SLFN12L: variants seen among roughly 807,000 people sequenced by gnomAD.
The protein encoded by SLFN12L is schlafen family member 12 like.
SLFN12L carries 34 observed loss-of-function variants against 34.8 expected under a neutral mutation model. The ratio of observed to expected loss-of-function variants is 0.98; its 90% CI spans 0.74 to 1.30. The LOEUF (loss-of-function observed/expected upper bound fraction) is 1.30, where lower values mean the gene tolerates loss of function less well. Ranked by LOEUF, SLFN12L falls within the 50% of genes most tolerant of loss-of-function variation. The pLI, the probability that SLFN12L is intolerant of heterozygous loss-of-function variation, is 0.00. For synonymous variants in SLFN12L, 259 were observed against 247.5 expected (o/e 1.05, Z -0.44); for missense variants, 703 against 696.2 (o/e 1.01, Z -0.11).
intron 2 of SLFN12L, among the ~76,000 whole-genome samples, chr17:35,522,026 G>A (rs1220700472): frequency 6.6e-6 from 1 of 152,056 alleles, no homozygotes; most frequent in South Asian, 2.1e-4. Flanking sequence ...GTTAAATGAC[G>A]AGTTGATGGG....
intron 2 of SLFN12L, among the ~76,000 whole-genome samples, chr17:35,515,613 A>G (rs1597873077): frequency 7.1e-6 from 1 of 140,918 alleles, no homozygotes; most frequent in African/African-American, 2.7e-5. Context: ...GGATTGCAGG[A>G]GCGGCCACCA....
chr17:35,509,025 G>T (rs1428773854), intron 2 of SLFN12L, among the ~76,000 whole-genome samples: 1 of 152,194 alleles, frequency 6.6e-6, no homozygotes, highest in Non-Finnish European at 1.5e-5. Context: ...AGACTCAAAA[G>T]TGAGGAACAG....
intron 2 of SLFN12L, chr17:35,498,976 C>T: frequency 1.4e-6 from 1 of 704,304 alleles, no homozygotes; most frequent in Admixed American, 1.8e-5. Context: ...GATGGGTGTC[C>T]CTCCCTCACT....
At chr17:35,478,329 T>C (rs1914130963) in intron 3 of SLFN12L, 144 bp from the exon 4 acceptor site, 1 of 544,878 alleles carries the variant, frequency 1.8e-6, no homozygotes. Flanking sequence ...TGTGGTTACA[T>C]ATTGTGGTTA....
In SLFN12L at chr17:35,479,823, G is replaced by A. The variant is rs1597832976; in HGVS notation, c.459C>T (p.Ser153=). The A allele has an allele frequency of 6.4e-7, 1 of 1,555,570 alleles. No individual in the cohort carries two copies. The highest frequency in any genetic ancestry group is 8.6e-7 in the Non-Finnish European group (1 of 1,162,998). ...CAATCTGCGGACCAGAGGTTTCCAA[G>A]CTCCATGATTTCACAAAAATGTGAA... ...NYFHIFVKSW[S]LETSGPQIAT... is the part of the protein sequence containing the mutation. The change falls in exon 3 of 5, where the codon AGC becomes AGT. Residue 153 remains serine, a synonymous_variant. Coordinates refer to ENST00000628453, the MANE Select transcript of SLFN12L (RefSeq NM_001363830.2).
chr17:35,467,726 TG>T lies in SLFN12L; in HGVS notation c.*7196del, dbSNP rs1199974253. On this transcript the variant is annotated 3_prime_UTR_variant, in exon 5 of 5. Coordinates refer to ENST00000628453, the MANE Select transcript of SLFN12L (RefSeq NM_001363830.2). ...GGCCACAGCAGGTGTGTATATTCTC[TG>T]GGGTCCAATTAATAGTGATTGTCCA... Among the ~76,000 whole-genome samples the T allele has an allele frequency of 1.3e-5, 2 of 152,172 alleles. No homozygotes were observed. The highest frequency in any genetic ancestry group is 4.8e-5 in the African/African-American group (2 of 41,434).
rs566539739 is a variant in SLFN12L at position 35,473,316 on chromosome 17, A to T, written c.*1607T>A. Among the ~76,000 whole-genome samples, 1 of 152,174 alleles carries T rather than the reference A, an allele frequency of 6.6e-6. No individual in the cohort carries two copies. Among genetic ancestry groups the T allele is most frequent in the African/African-American group, 2.4e-5 (1 of 41,430 alleles). ...CATGAATAGCTCTTATTGTTTTGAG[A>T]TATGTTTCATCAATACCCAGTTTAT... On this transcript the variant is annotated 3_prime_UTR_variant, in exon 5 of 5. Coordinates refer to ENST00000628453, the MANE Select transcript of SLFN12L (RefSeq NM_001363830.2).
chr17:35,481,096 T>G (rs1914317932), intron 2 of SLFN12L, among the ~76,000 whole-genome samples: 1 of 152,226 alleles, frequency 6.6e-6, no homozygotes, highest in Non-Finnish European at 1.5e-5. Flanking sequence ...GTGTGAGCCC[T>G]TTGTTACGCC....
chr17:35,468,273 C>T lies in SLFN12L; in HGVS notation c.*6650G>A, dbSNP rs1009486982. Among the ~76,000 whole-genome samples, 1 of 152,172 alleles carries T rather than the reference C, an allele frequency of 6.6e-6. No homozygotes were observed. Among genetic ancestry groups the T allele is most frequent in the Non-Finnish European group, 1.5e-5 (1 of 68,032 alleles). Reference sequence around the variant, plus strand: ...TTATCATCTGGAGGCACCAACCCTCCATACAAGCCATTGTTTTAATCAATC... The same window carrying T: ...TTATCATCTGGAGGCACCAACCCTCTATACAAGCCATTGTTTTAATCAATC... On this transcript the variant is annotated 3_prime_UTR_variant, in exon 5 of 5. Transcript: ENST00000628453.
chr17:35,479,231 G>A lies in SLFN12L; in HGVS notation c.1051C>T (p.Arg351Cys), dbSNP rs188103921. The A allele has an allele frequency of 6.1e-4, 974 of 1,590,798 alleles. 6 individuals carry two copies. Among genetic ancestry groups the A allele is most frequent in the Non-Finnish European group, 1.4e-4 (158 of 1,167,054 alleles). ...CGYVYALRVE[R>C]FCCAVFAKKP... The stretch of plus-strand genomic sequence containing the variant: ...TTAGCAAACACTGCACAGCAGAAGC[G>A]TTCCACTCTGAGTGCATACACATAT... The change falls in exon 3 of 5, where the codon CGC becomes TGC. Residue 351 changes from arginine to cysteine, a missense_variant. Arg to Cys is a radical substitution (Grantham distance 180). Coordinates refer to ENST00000628453, the MANE Select transcript of SLFN12L (RefSeq NM_001363830.2).
Position 35,480,005 on chromosome 17 carries a change from G to T in SLFN12L, c.277C>A (p.Leu93Met), listed in dbSNP as rs1391666914. 3 of 1,614,024 alleles carry T rather than the reference G, an allele frequency of 1.9e-6. No homozygotes were observed. In the African/African-American group the frequency reaches 4.0e-5, roughly 22 times the overall value. Residue 93 changes from leucine (L) to methionine (M), a missense_variant, in exon 3 of 5, where the codon CTG becomes ATG. Physicochemically the swap from Leu to Met is conservative, Grantham distance 15. Transcript: ENST00000628453. ...NENVSRAVCA[L>M]LNSGGGVIKA... Reference sequence around the variant, plus strand: ...ATCACTCCCCCTCCAGAATTCAGCAGAGCACACACAGCTCGTGAGACATTT... The same window carrying T: ...ATCACTCCCCCTCCAGAATTCAGCATAGCACACACAGCTCGTGAGACATTT...
chr17:35,467,987 C>T lies in SLFN12L; in HGVS notation c.*6936G>A, dbSNP rs1036594707. ...TGCAGTGGCGTGATCACGATTCACTCCCCACTCTACTTCCTGGGTTCAGAC... is the reference window on the plus strand; with the variant it reads ...TGCAGTGGCGTGATCACGATTCACTTCCCACTCTACTTCCTGGGTTCAGAC... On this transcript the variant is annotated 3_prime_UTR_variant, in exon 5 of 5. Coordinates refer to ENST00000628453, the MANE Select transcript of SLFN12L (RefSeq NM_001363830.2). 1.3e-5 allele frequency among the ~76,000 whole-genome samples: 2 copies of T among 152,128 alleles called. No homozygotes were observed. Among genetic ancestry groups the T allele is most frequent in the Non-Finnish European group, 2.9e-5 (2 of 68,032 alleles).
At chr17:35,503,508 T>C (rs947471761) in intron 2 of SLFN12L, among the ~76,000 whole-genome samples, 2 of 152,108 alleles carry the variant, frequency 1.3e-5, no homozygotes, top group African/African-American at 4.8e-5. Context: ...GCTTATCTGG[T>C]ATAAAAATCA....
chr17:35,477,172 G>A (rs1397318940), intron 4 of SLFN12L, among the ~76,000 whole-genome samples: 2 of 152,124 alleles, frequency 1.3e-5, no homozygotes, highest in Admixed American at 6.5e-5. Context: ...CAGAGGTGGC[G>A]ATCAGCAGGT....
At chr17:35,491,849 A>G (rs1482363948) in intron 2 of SLFN12L, among the ~76,000 whole-genome samples, 2 of 152,262 alleles carry the variant, frequency 1.3e-5, no homozygotes, top group Non-Finnish European at 2.9e-5. Context: ...GAAGATCTCC[A>G]CAGGCTTCTG....
chr17:35,526,561 A>C (rs748955087), intron 1 of SLFN12L, among the ~76,000 whole-genome samples: 9 of 152,248 alleles, frequency 5.9e-5, no homozygotes, highest in Non-Finnish European at 1.2e-4. Context: ...AACTCACTCA[A>C]AACCACATAA....
chr17:35,483,096 G>A (rs2142133022), intron 2 of SLFN12L, among the ~76,000 whole-genome samples: 1 of 152,190 alleles, frequency 6.6e-6, no homozygotes, highest in South Asian at 2.1e-4. Context: ...AGAGACATTG[G>A]CTGCAGAGAG....
At chr17:35,494,404 G>A (rs1441046680) in intron 2 of SLFN12L, among the ~76,000 whole-genome samples, 2 of 152,074 alleles carry the variant, frequency 1.3e-5, no homozygotes, top group Non-Finnish European at 2.9e-5. Context: ...TCCTTAATCT[G>A]TTAAAGATTA....
At chr17:35,503,117 T>C (rs115014114) in intron 2 of SLFN12L, among the ~76,000 whole-genome samples, 1 of 152,210 alleles carries the variant, frequency 6.6e-6, no homozygotes, top group East Asian at 1.9e-4. Flanking sequence ...ATAAGGAAAG[T>C]AAAGTATACC....
Sources: gnomAD v4.1 joint callset for allele counts (sites outside exome capture counted in the v4.1 genomes callset) on GRCh38, gnomAD v4.1.1 for gene constraint, MANE v1.5 for transcripts, NCBI Gene and HGNC (gene_info 2026-07-23, HGNC 2026-07-21) for gene names.